Variants in FBXL7 observed in about 807,000 individuals in gnomAD.
The protein encoded by FBXL7 is F-box/LRR-repeat protein 7.
Under a neutral mutation model 38.3 loss-of-function variants are expected in FBXL7, and 12 were observed. The ratio of observed to expected loss-of-function variants is 0.31; its 90% CI spans 0.20 to 0.51. The LOEUF is 0.51. Among genes scored for constraint, FBXL7 ranks in the 20% least tolerant of loss-of-function variants. FBXL7 has a pLI of 0.98. For missense variants in FBXL7, 567 were observed against 676.4 expected (o/e 0.84, Z 1.79); for synonymous variants, 297 against 300.9 (o/e 0.99, Z 0.13).
intron 2 of FBXL7, among the ~76,000 whole-genome samples, chr5:15,927,433 C>G (rs370281370): frequency 6.6e-6 from 1 of 152,214 alleles, no homozygotes; most frequent in East Asian, 1.9e-4. Context: ...GGGAGGACAT[C>G]TGTGGAATGA....
chr5:15,833,461 T>G (rs940983767), intron 2 of FBXL7, among the ~76,000 whole-genome samples: 2 of 152,178 alleles, frequency 1.3e-5, no homozygotes, highest in Admixed American at 6.5e-5. Flanking sequence ...CATATGAATT[T>G]TATGGGGACA....
intron 2 of FBXL7, among the ~76,000 whole-genome samples, chr5:15,875,577 T>C (rs1390502174): frequency 6.6e-6 from 1 of 151,872 alleles, no homozygotes; most frequent in Non-Finnish European, 1.5e-5. Flanking sequence ...AAAAACCCCA[T>C]CAAAAATTGG....
At chr5:15,630,563 T>C (rs999098419) in intron 2 of FBXL7, among the ~76,000 whole-genome samples, 15 of 152,156 alleles carry the variant, frequency 9.9e-5, no homozygotes, top group Non-Finnish European at 1.9e-4. Flanking sequence ...TACTATTCTT[T>C]CCTTGTTTTA....
intron 2 of FBXL7, among the ~76,000 whole-genome samples, chr5:15,812,299 G>A (rs2126754294): frequency 6.6e-6 from 1 of 152,178 alleles, no homozygotes; most frequent in Non-Finnish European, 1.5e-5. Flanking sequence ...GAGAACACAT[G>A]GACACAGGGA....
chr5:15,775,252 G>C (rs1468208752), intron 2 of FBXL7, among the ~76,000 whole-genome samples: 1 of 152,098 alleles, frequency 6.6e-6, no homozygotes, highest in African/African-American at 2.4e-5. Flanking sequence ...AACATTTAGA[G>C]TTGGGTTTTT....
At chr5:15,771,606 C>A (rs957842944) in intron 2 of FBXL7, among the ~76,000 whole-genome samples, 3 of 151,958 alleles carry the variant, frequency 2.0e-5, no homozygotes, top group Non-Finnish European at 1.5e-5. Context: ...GAATTCCCGG[C>A]CAGCTCTGCT....
chr5:15,581,745 T>C (rs557563784), intron 1 of FBXL7, among the ~76,000 whole-genome samples: 1 of 152,138 alleles, frequency 6.6e-6, no homozygotes, highest in Admixed American at 6.5e-5. Context: ...CCTCTGCTTG[T>C]TTATGTGCTT....
At chr5:15,662,311 C>T (rs933098545) in intron 2 of FBXL7, among the ~76,000 whole-genome samples, 12 of 151,820 alleles carry the variant, frequency 7.9e-5, no homozygotes, top group Admixed American at 2.0e-4. Context: ...GAAAAGTGTC[C>T]GTTCATGTTC....
intron 2 of FBXL7, among the ~76,000 whole-genome samples, chr5:15,789,873 G>A (rs1307600158): frequency 1.3e-5 from 2 of 152,104 alleles, no homozygotes; most frequent in Non-Finnish European, 2.9e-5. Flanking sequence ...ACCTCTCAAC[G>A]AAGGCCTTCT....
At chr5:15,722,032 A>G (rs1358488539) in intron 2 of FBXL7, among the ~76,000 whole-genome samples, 1 of 152,020 alleles carries the variant, frequency 6.6e-6, no homozygotes, top group Non-Finnish European at 1.5e-5. Flanking sequence ...ACGGGGTTTC[A>G]TCATATTGGC....
intron 2 of FBXL7, among the ~76,000 whole-genome samples, chr5:15,902,154 T>G (rs1016449037): frequency 2.0e-5 from 3 of 152,168 alleles, no homozygotes; most frequent in African/African-American, 7.2e-5. Context: ...GGTTTTATAT[T>G]GGTTGTCTTG....
At chr5:15,698,309 AC>A (rs756625105) in intron 2 of FBXL7, among the ~76,000 whole-genome samples, 15 of 152,148 alleles carry the variant, frequency 9.9e-5, no homozygotes, top group Admixed American at 9.8e-4. Flanking sequence ...CGTATCTTTA[AC>A]CCTGAGTTTA....
chr5:15,518,538 G>A (rs893240478), intron 1 of FBXL7, among the ~76,000 whole-genome samples: 2 of 152,144 alleles, frequency 1.3e-5, no homozygotes, highest in African/African-American at 2.4e-5. Context: ...GAAGAGGAGG[G>A]TGAGGCTTTC....
chr5:15,699,462 CTCTT>C (rs971198175), intron 2 of FBXL7, among the ~76,000 whole-genome samples: 1 of 152,178 alleles, frequency 6.6e-6, no homozygotes, highest in Non-Finnish European at 1.5e-5. Context: ...TGCTCCACTC[CTCTT>C]TCTATGAGAG....
At chr5:15,906,650 A>G (rs1250453138) in intron 2 of FBXL7, among the ~76,000 whole-genome samples, 1 of 110,768 alleles carries the variant, frequency 9.0e-6, no homozygotes, top group Non-Finnish European at 1.8e-5. Flanking sequence ...ATATCTCCCA[A>G]TGCTATCCCT....
At chr5:15,852,860 C>A (rs1336336707) in intron 2 of FBXL7, among the ~76,000 whole-genome samples, 1 of 152,162 alleles carries the variant, frequency 6.6e-6, no homozygotes, top group Admixed American at 6.5e-5. Context: ...TTACTAGAGG[C>A]AAAGCACTCT....
intron 1 of FBXL7, among the ~76,000 whole-genome samples, chr5:15,614,700 T>C (rs1740387184): frequency 6.6e-6 from 1 of 152,178 alleles, no homozygotes; most frequent in Non-Finnish European, 1.5e-5. Context: ...TTTGTTCGGG[T>C]CTCACAGTGC....
chr5:15,636,459 C>T (rs564193036), intron 2 of FBXL7, among the ~76,000 whole-genome samples: 35 of 152,168 alleles, frequency 2.3e-4, no homozygotes, highest in African/African-American at 7.9e-4. Flanking sequence ...TTTTATTCAT[C>T]GTATCTTTCA....
chr5:15,903,807 AATTC>A (rs1457987792), intron 2 of FBXL7, among the ~76,000 whole-genome samples: 3 of 152,216 alleles, frequency 2.0e-5, no homozygotes, highest in Non-Finnish European at 4.4e-5. Context: ...CAGTGCCATT[AATTC>A]ATTCAAAGAA....
Sources: allele counts gnomAD v4.1 joint callset (sites outside exome capture counted in the v4.1 genomes callset), GRCh38; gene constraint gnomAD v4.1.1; transcripts MANE v1.5; gene names NCBI Gene and HGNC (gene_info 2026-07-23, HGNC 2026-07-21).